The following PPP4R2 variants were observed in gnomAD, a reference collection of about 807,000 sequenced individuals.
The protein encoded by PPP4R2 is serine/threonine-protein phosphatase 4 regulatory subunit 2.
A neutral mutation model predicts 47.2 loss-of-function variants in PPP4R2; 13 were observed. The ratio of observed to expected loss-of-function variants is 0.28; its 90% CI spans 0.18 to 0.44. The LOEUF is 0.44. Ranked by LOEUF, PPP4R2 falls within the 20% of genes least tolerant of loss-of-function variation. The pLI is 1.00. For missense variants in PPP4R2, 421 were observed against 491.2 expected (o/e 0.86, Z 1.35); for synonymous variants, 151 against 163.3 (o/e 0.92, Z 0.57).
At chr3:73,060,477 G>A (rs1391893472) in intron 4 of PPP4R2, among the ~76,000 whole-genome samples, 2 of 152,130 alleles carry the variant, frequency 1.3e-5, no homozygotes, top group Non-Finnish European at 2.9e-5. Context: ...AATAGGGCTG[G>A]GAGGGGGATT....
rs1439719355 is a variant in PPP4R2, at chr3:73,036,700, TG to T, written c.117-10485del. ...TTTAATGATTTTTTTCTTCTTTTTT[TG>T]AAAGTATGAGATACATTCCAGATGC... On this transcript the variant is annotated intron_variant, in intron 2 of 8. Coordinates refer to ENST00000356692, the MANE Select transcript of PPP4R2 (RefSeq NM_174907.4). Among the ~76,000 whole-genome samples, 3 of 152,226 alleles carry T rather than the reference TG, an allele frequency of 2.0e-5. No homozygotes were observed. In the East Asian group the frequency reaches 5.8e-4, roughly 29 times the overall value.
chr3:73,051,433 C>T (rs1462119825), intron 3 of PPP4R2, among the ~76,000 whole-genome samples: 11 of 152,084 alleles, frequency 7.2e-5, no homozygotes, highest in Admixed American at 7.2e-4. Flanking sequence ...TTTTTGTGTA[C>T]TTACAGCCTT....
At chr3:73,025,029 C>T (rs763842074) in intron 2 of PPP4R2, among the ~76,000 whole-genome samples, 3 of 152,096 alleles carry the variant, frequency 2.0e-5, no homozygotes, top group Non-Finnish European at 2.9e-5. Flanking sequence ...TGGTGTCTTC[C>T]ATATTTCACA....
At chr3:73,030,982 G>A (rs1298486027) in intron 2 of PPP4R2, among the ~76,000 whole-genome samples, 1 of 152,050 alleles carries the variant, frequency 6.6e-6, no homozygotes, top group South Asian at 2.1e-4. Flanking sequence ...GGTTACATGT[G>A]TGAGCCACCG....
intron 2 of PPP4R2, among the ~76,000 whole-genome samples, chr3:73,032,713 G>A (rs148700279): frequency 7.2e-5 from 11 of 151,898 alleles, no homozygotes; most frequent in Non-Finnish European, 1.3e-4. Context: ...TTTCTTTTAC[G>A]TACTCCTTCT....
At chr3:73,012,401 G>A (rs35965017) in intron 2 of PPP4R2, among the ~76,000 whole-genome samples, 58,422 of 151,814 alleles carry the variant, frequency 0.38, 11,648 homozygotes, top group African/African-American at 0.44. Context: ...CCGGGTTCAC[G>A]CCATTCTCCT....
chr3:73,053,691 T>C (rs7628909), intron 3 of PPP4R2, among the ~76,000 whole-genome samples: 79,810 of 151,290 alleles, frequency 0.53, 21,385 homozygotes, highest in African/African-American at 0.62. Context: ...AGGCGGATCA[T>C]GAGGTCAGGA....
intron 2 of PPP4R2, among the ~76,000 whole-genome samples, chr3:73,013,188 A>G (rs2107230398): frequency 6.6e-6 from 1 of 152,346 alleles, no homozygotes; most frequent in South Asian, 2.1e-4. Flanking sequence ...CATAGCCAGC[A>G]TGTGGTTACT....
At chr3:73,059,651 G>A (rs964769426) in intron 4 of PPP4R2, among the ~76,000 whole-genome samples, 2 of 152,036 alleles carry the variant, frequency 1.3e-5, no homozygotes, top group African/African-American at 4.8e-5. Context: ...TAAAGGAAAT[G>A]GTGTGGGCTG....
intron 3 of PPP4R2, among the ~76,000 whole-genome samples, chr3:73,056,090 A>G (rs1478845757): frequency 6.6e-6 from 1 of 152,230 alleles, no homozygotes; most frequent in African/African-American, 2.4e-5. Flanking sequence ...CAGAAGTTAG[A>G]ATAAACTATT....
rs752418545 is a variant in PPP4R2, at chr3:73,066,779, A to C, written c.*1057A>C. On this transcript the variant is annotated 3_prime_UTR_variant, in exon 9 of 9. Coordinates refer to ENST00000356692, the MANE Select transcript of PPP4R2 (RefSeq NM_174907.4). ...AATATATTACTTTAGTATGTACCTG[A>C]GCTAAATGACTGAAGCTTTAGGGGT... is the stretch of plus-strand genomic sequence containing the variant. The C allele has an allele frequency of 1.3e-5, 2 of 152,090 alleles. No individual in the cohort carries two copies. Among genetic ancestry groups the C allele is most frequent in the Non-Finnish European group, 2.9e-5 (2 of 67,948 alleles). 9.4% of individuals were successfully genotyped at this position (152,090 alleles called of 1,614,324 possible). A position where few individuals can be genotyped will look rare whatever the true frequency, so the allele number is the denominator to read the frequency against.
intron 2 of PPP4R2, among the ~76,000 whole-genome samples, chr3:73,010,943 A>C (rs370880953): frequency 6.6e-6 from 1 of 152,190 alleles, no homozygotes; most frequent in Admixed American, 6.5e-5. Flanking sequence ...TACAACTACT[A>C]TCTGAAGTAG....
intron 1 of PPP4R2, 97 bp from the exon 2 acceptor site, chr3:72,997,980 T>C (rs1335435923): frequency 7.1e-5 from 59 of 826,686 alleles, no homozygotes; most frequent in Non-Finnish European, 1.1e-4. Context: ...ATTTTGTATT[T>C]AATTGATTTT....
chr3:73,055,294 G>A (rs1258812277), intron 3 of PPP4R2, among the ~76,000 whole-genome samples: 2 of 151,826 alleles, frequency 1.3e-5, no homozygotes, highest in Admixed American at 6.6e-5. Context: ...ACATTATGTC[G>A]TATTTAGTCG....
intron 2 of PPP4R2, 88 bp from the exon 3 acceptor site, chr3:73,047,098 G>C (rs1702501598): frequency 1.4e-6 from 1 of 729,790 alleles, no homozygotes; most frequent in South Asian, 2.1e-5. Context: ...GTTAGTATTA[G>C]TGTCATAGTA....
rs1181868188 is a variant in PPP4R2 at position 73,013,932 on chromosome 3, C to T, written c.116+15774C>T. Among the ~76,000 whole-genome samples the T allele has an allele frequency of 4.5e-5, 6 of 133,512 alleles. 3 individuals are homozygous for T. The highest frequency in any genetic ancestry group is 1.1e-4 in the Non-Finnish European group (6 of 56,892). The allele number at this position is 133,512 out of a possible 152,430, so 87.6% of individuals were successfully genotyped here. ...CTGGGATTTCAGGCATGAACCACCG[C>T]GCCCGGGCTTGTATTTGGATATCTT... On this transcript the variant is annotated intron_variant, in intron 2 of 8. Coordinates refer to ENST00000356692, the MANE Select transcript of PPP4R2 (RefSeq NM_174907.4).
At chr3:73,014,949 C>G in intron 2 of PPP4R2, 1 of 694,752 alleles carries the variant, frequency 1.4e-6, no homozygotes, top group South Asian at 1.5e-5. Context: ...AGTGATCCAC[C>G]TGCCTCAACT....
intron 2 of PPP4R2, among the ~76,000 whole-genome samples, chr3:73,023,934 T>G (rs957004069): frequency 6.6e-6 from 1 of 152,198 alleles, no homozygotes; most frequent in African/African-American, 2.4e-5. Context: ...ATATTCAGTT[T>G]GAATGTTTTT....
At chr3:73,028,283 T>C (rs1175946410) in intron 2 of PPP4R2, among the ~76,000 whole-genome samples, 2 of 144,124 alleles carry the variant, frequency 1.4e-5, no homozygotes, top group African/African-American at 2.5e-5. Flanking sequence ...AAAGACGGGG[T>C]CTTACTCAGC....
Sources: gnomAD v4.1 joint callset for allele counts (sites outside exome capture counted in the v4.1 genomes callset) on GRCh38, gnomAD v4.1.1 for gene constraint, MANE v1.5 for transcripts, NCBI Gene and HGNC (gene_info 2026-07-23, HGNC 2026-07-21) for gene names.